NKAIN2: variants seen among roughly 807,000 people sequenced by gnomAD.
The protein encoded by NKAIN2 is sodium/potassium-transporting ATPase subunit beta-1-interacting protein 2.
NKAIN2 carries 14 observed loss-of-function variants against 32.6 expected under a neutral mutation model. The observed-to-expected ratio is 0.43, with a 90% CI of 0.28 to 0.67. The LOEUF is 0.67. Among genes scored for constraint, NKAIN2 ranks in the 30% least tolerant of loss-of-function variants. The probability of loss-of-function intolerance (pLI) is 0.17; values close to 1 mark genes in which losing one functional copy is unlikely to be tolerated. For synonymous variants in NKAIN2, 80 were observed against 87.2 expected (o/e 0.92, Z 0.46); for missense variants, 198 against 258.3 (o/e 0.77, Z 1.60).
At chr6:124,514,510 G>A (rs1384709702) in intron 3 of NKAIN2, among the ~76,000 whole-genome samples, 1 of 152,154 alleles carries the variant, frequency 6.6e-6, no homozygotes, top group Admixed American at 6.5e-5. Flanking sequence ...GAGCCAGGGA[G>A]TTCACATTTC....
chr6:124,756,563 G>A (rs1419727111), intron 4 of NKAIN2, among the ~76,000 whole-genome samples: 5 of 152,086 alleles, frequency 3.3e-5, no homozygotes, highest in African/African-American at 9.7e-5. Flanking sequence ...GGGAGGCCTA[G>A]GAGAAGGATC....
intron 4 of NKAIN2, among the ~76,000 whole-genome samples, chr6:124,738,209 A>G (rs997714266): frequency 1.3e-5 from 2 of 151,778 alleles, no homozygotes; most frequent in Non-Finnish European, 2.9e-5. Flanking sequence ...CACTTAACTA[A>G]TTTTTTTCTA....
At chr6:124,094,544 G>A (rs984393538) in intron 1 of NKAIN2, among the ~76,000 whole-genome samples, 1 of 152,130 alleles carries the variant, frequency 6.6e-6, no homozygotes, top group African/African-American at 2.4e-5. Context: ...GGTAAGAAGA[G>A]TAAAGAAGAT....
chr6:124,677,551 G>T (rs970501846), intron 4 of NKAIN2, among the ~76,000 whole-genome samples: 1 of 151,870 alleles, frequency 6.6e-6, no homozygotes, highest in Non-Finnish European at 1.5e-5. Flanking sequence ...CATCATATAG[G>T]TAAAACAATC....
chr6:123,925,797 G>T (rs546868984), intron 1 of NKAIN2, among the ~76,000 whole-genome samples: 1 of 152,056 alleles, frequency 6.6e-6, no homozygotes, highest in East Asian at 1.9e-4. Context: ...TTTTCTTTTT[G>T]CTCTTCTTCC....
intron 3 of NKAIN2, among the ~76,000 whole-genome samples, chr6:124,491,159 T>C (rs2114724453): frequency 6.6e-6 from 1 of 152,000 alleles, no homozygotes; most frequent in Middle Eastern, 3.4e-3. Flanking sequence ...CTAGCACATG[T>C]GCCATCTATT....
rs190534049 is a variant in NKAIN2 at position 123,928,618 on chromosome 6, A to G, written c.54+124364A>G. On this transcript the variant is annotated intron_variant, in intron 1 of 6. Coordinates refer to ENST00000368417, the MANE Select transcript of NKAIN2 (RefSeq NM_001040214.3). ...GTTTCTGGAATATAGTAGGTATGCA[A>G]TACATGCCTCTTTAAAGATCTAAGA... is the stretch of plus-strand genomic sequence containing the variant. Among the ~76,000 whole-genome samples the G allele has an allele frequency of 2.3e-4, 35 of 152,296 alleles. No homozygotes were observed. The East Asian group carries it at 5.8e-3, about 25-fold the overall frequency.
intron 3 of NKAIN2, among the ~76,000 whole-genome samples, chr6:124,610,752 G>C (rs890811013): frequency 2.6e-5 from 4 of 152,110 alleles, no homozygotes; most frequent in Non-Finnish European, 2.9e-5. Flanking sequence ...ACACCTGTGA[G>C]ATCAGTAAAT....
At chr6:124,643,922 G>A (rs73575512) in intron 3 of NKAIN2, among the ~76,000 whole-genome samples, 3,701 of 152,170 alleles carry the variant, frequency 0.024, 143 homozygotes, top group African/African-American at 0.083. Flanking sequence ...TGTGTGCTTT[G>A]CTCTTCAAAT....
chr6:124,637,428 A>G (rs772676217), intron 3 of NKAIN2, among the ~76,000 whole-genome samples: 10 of 152,000 alleles, frequency 6.6e-5, no homozygotes, highest in Non-Finnish European at 1.5e-4. Context: ...TCCAAATTGG[A>G]AAAAAAGGAA....
At chr6:124,035,682 T>C (rs1303742307) in intron 1 of NKAIN2, among the ~76,000 whole-genome samples, 1 of 152,146 alleles carries the variant, frequency 6.6e-6, no homozygotes, top group African/African-American at 2.4e-5. Context: ...CATTCCCAAC[T>C]ATGTGATTAA....
chr6:124,147,818 CAGT>C (rs1787495588), intron 1 of NKAIN2, among the ~76,000 whole-genome samples: 1 of 152,052 alleles, frequency 6.6e-6, no homozygotes, highest in Non-Finnish European at 1.5e-5. Flanking sequence ...GTAAAGCTAT[CAGT>C]AGGAGGATAT....
intron 3 of NKAIN2, among the ~76,000 whole-genome samples, chr6:124,482,599 G>T (rs1777497526): frequency 6.6e-6 from 1 of 152,124 alleles, no homozygotes; most frequent in South Asian, 2.1e-4. Context: ...AACTAAGGGA[G>T]AATATGACTT....
chr6:124,069,209 T>G (rs992882270), intron 1 of NKAIN2, among the ~76,000 whole-genome samples: 1 of 152,166 alleles, frequency 6.6e-6, no homozygotes, highest in South Asian at 2.1e-4. Context: ...TCTATTAAAC[T>G]TTATTACCTC....
Position 124,173,139 on chromosome 6 carries a change from A to G in NKAIN2, c.55-109866A>G, listed in dbSNP as rs562288297. 1.2e-4 allele frequency among the ~76,000 whole-genome samples: 19 copies of G among 152,262 alleles called. No individual in the cohort carries two copies. In the South Asian group the frequency reaches 3.7e-3, roughly 30 times the overall value. Reference sequence around the variant, plus strand: ...TACTCCTGAATAATGAAATATTTCAAATTGTCTAATTGCATGATATAAAAT... The same window carrying G: ...TACTCCTGAATAATGAAATATTTCAGATTGTCTAATTGCATGATATAAAAT... On this transcript the variant is annotated intron_variant, in intron 1 of 6. Coordinates refer to ENST00000368417, the MANE Select transcript of NKAIN2 (RefSeq NM_001040214.3).
chr6:124,318,805 C>A (rs1264705289), intron 2 of NKAIN2, among the ~76,000 whole-genome samples: 3 of 151,952 alleles, frequency 2.0e-5, no homozygotes, highest in Non-Finnish European at 4.4e-5. Flanking sequence ...AAGCCAGACC[C>A]TAAAATTAAA....
chr6:123,923,618 A>G (rs1775864336), intron 1 of NKAIN2, among the ~76,000 whole-genome samples: 1 of 151,792 alleles, frequency 6.6e-6, no homozygotes, highest in African/African-American at 2.4e-5. Context: ...GCCATAAAAA[A>G]TGATGAGTTC....
At chr6:124,701,022 A>C (rs1316310507) in intron 4 of NKAIN2, among the ~76,000 whole-genome samples, 1 of 151,902 alleles carries the variant, frequency 6.6e-6, no homozygotes. Context: ...TTGGAGACTA[A>C]GTTCTGTAAC....
At chr6:124,797,776 G>A (rs1043927968) in intron 5 of NKAIN2, among the ~76,000 whole-genome samples, 2 of 152,026 alleles carry the variant, frequency 1.3e-5, no homozygotes, top group Admixed American at 1.3e-4. Flanking sequence ...AGTTCTTTGA[G>A]CACAATCGCG....
Sources: gnomAD v4.1 joint callset for allele counts (sites outside exome capture counted in the v4.1 genomes callset) on GRCh38, gnomAD v4.1.1 for gene constraint, MANE v1.5 for transcripts, NCBI Gene and HGNC (gene_info 2026-07-23, HGNC 2026-07-21) for gene names.